MYO3A: variants seen among roughly 807,000 people sequenced by gnomAD.
MYO3A encodes myosin-IIIa.
A neutral mutation model predicts 192.7 loss-of-function variants in MYO3A; 180 were observed. That is an observed-to-expected ratio of 0.93 (90% CI 0.83 to 1.06). The LOEUF is 1.06. Among genes scored for constraint, MYO3A ranks in the 50% least tolerant of loss-of-function variants. The probability of loss-of-function intolerance (pLI) is 0.00; values close to 1 mark genes in which losing one functional copy is unlikely to be tolerated. For synonymous variants in MYO3A, 628 were observed against 645.3 expected (o/e 0.97, Z 0.41); for missense variants, 1,896 against 1,905.0 (o/e 1.00, Z 0.09).
At position 26,178,790 on chromosome 10, in the gene MYO3A, G is replaced by GTTTA. The variant is rs530044620; in HGVS notation, c.4438+1969_4438+1972dup. Among the ~76,000 whole-genome samples, 712 of 151,690 alleles carry GTTTA rather than the reference G, an allele frequency of 4.7e-3. 2 individuals are homozygous for GTTTA. Among genetic ancestry groups the GTTTA allele is most frequent in the African/African-American group, 0.015 (600 of 41,366 alleles). Reference sequence around the variant, plus strand: ...ACTCTGCTTGCCTTCTGCTTTAAATGTTTATTTATTTATTTATTTATTTAT... The same window carrying GTTTA: ...ACTCTGCTTGCCTTCTGCTTTAAATGTTTATTTATTTATTTATTTATTTATTTAT... On this transcript the variant is annotated intron_variant, in intron 31 of 34. Coordinates refer to ENST00000642920, the MANE Select transcript of MYO3A (RefSeq NM_017433.5).
chr10:25,978,024 CAT>C (rs962025555), intron 4 of MYO3A, among the ~76,000 whole-genome samples: 25 of 151,988 alleles, frequency 1.6e-4, no homozygotes, highest in African/African-American at 5.8e-4. Flanking sequence ...TTTTTAATAA[CAT>C]GTATAGCAAA....
At chr10:26,017,920 A>G (rs1842070178) in intron 7 of MYO3A, among the ~76,000 whole-genome samples, 1 of 150,822 alleles carries the variant, frequency 6.6e-6, no homozygotes, top group South Asian at 2.1e-4. Context: ...AAAAATTACA[A>G]AAATGAGAAG....
At chr10:26,126,376 T>C (rs1839214414) in intron 19 of MYO3A, among the ~76,000 whole-genome samples, 1 of 152,174 alleles carries the variant, frequency 6.6e-6, no homozygotes, top group Non-Finnish European at 1.5e-5. Flanking sequence ...AAAAGACCAT[T>C]TATACACATT....
At chr10:26,028,461 G>A (rs1018327065) in intron 10 of MYO3A, among the ~76,000 whole-genome samples, 2 of 152,314 alleles carry the variant, frequency 1.3e-5, no homozygotes, top group East Asian at 3.9e-4. Flanking sequence ...AAGCAGATAT[G>A]TAGTTTATAA....
chr10:25,977,937 A>G lies in MYO3A; in HGVS notation c.304-18553A>G, dbSNP rs1020618266. On this transcript the variant is annotated intron_variant, in intron 4 of 34. Transcript: ENST00000642920. ...TGGGGAGGTTCTGTTTCTGATATCA[A>G]TGTTGCTATCTCTTTGCAATTTTAT... is the stretch of plus-strand genomic sequence containing the variant. Among the ~76,000 whole-genome samples, 7 of 152,242 alleles carry G rather than the reference A, an allele frequency of 4.6e-5. No homozygotes were observed. In the East Asian group the frequency reaches 5.8e-4, roughly 13 times the overall value.
intron 31 of MYO3A, among the ~76,000 whole-genome samples, chr10:26,184,351 A>C (rs1842764387): frequency 6.6e-6 from 1 of 152,248 alleles, no homozygotes; most frequent in African/African-American, 2.4e-5. Flanking sequence ...TATTGCTTGA[A>C]GGTCATAGAC....
chr10:26,108,140 C>T (rs1487800885), intron 17 of MYO3A, among the ~76,000 whole-genome samples: 1 of 152,116 alleles, frequency 6.6e-6, no homozygotes, highest in East Asian at 1.9e-4. Flanking sequence ...TCAGACTTTG[C>T]TCGTAACAGT....
chr10:26,017,766 A>AT (rs996243902), intron 7 of MYO3A, among the ~76,000 whole-genome samples: 99 of 151,084 alleles, frequency 6.6e-4, no homozygotes, highest in Non-Finnish European at 1.1e-3. Context: ...GATTAAAAAA[A>AT]TTTTTTTACC....
chr10:26,195,892 G>A (rs1039847739), intron 32 of MYO3A, among the ~76,000 whole-genome samples: 11 of 152,160 alleles, frequency 7.2e-5, no homozygotes, highest in African/African-American at 2.7e-4. Flanking sequence ...TGGCTTCCAC[G>A]AGGTCAAGGA....
chr10:26,124,231 T>G (rs1395824284), intron 18 of MYO3A, among the ~76,000 whole-genome samples: 1 of 151,978 alleles, frequency 6.6e-6, no homozygotes, highest in African/African-American at 2.4e-5. Flanking sequence ...TTTACGTATT[T>G]TGAAAAATTG....
intron 31 of MYO3A, among the ~76,000 whole-genome samples, chr10:26,183,313 A>G (rs1299594365): frequency 6.6e-6 from 1 of 152,192 alleles, no homozygotes; most frequent in Non-Finnish European, 1.5e-5. Flanking sequence ...TCACGAGGTC[A>G]GGAGATCGAG....
Position 26,083,063 on chromosome 10 carries a change from T to G in MYO3A, c.1360-5140T>G, listed in dbSNP as rs563082939. 3.3e-5 allele frequency among the ~76,000 whole-genome samples: 5 copies of G among 152,364 alleles called. No homozygotes were observed. In the South Asian group the frequency reaches 6.2e-4, roughly 19 times the overall value. ...GCATACAATTTTTTTTCTTCCCTTA[T>G]GAAGTCAAGAACTTTCATCTTTTCA... On this transcript the variant is annotated intron_variant, in intron 14 of 34. Transcript: ENST00000642920.
intron 26 of MYO3A, 71 bp downstream of exon 26, chr10:26,157,586 C>A: frequency 6.6e-7 from 1 of 1,513,508 alleles, no homozygotes; most frequent in Admixed American, 1.7e-5. Context: ...TTATAAGAAA[C>A]ATAATATGAA....
Position 26,088,335 on chromosome 10 carries a change from T to G in MYO3A, c.1492T>G (p.Ser498Ala). Residue 498 changes from serine (S) to alanine (A), a missense_variant, in exon 15 of 35, where the codon TCT (serine) becomes GCT (alanine). Physicochemically the swap from Ser to Ala is moderately conservative, Grantham distance 99 (BLOSUM62 1). Transcript: ENST00000642920. ...ATACTTAGAAATGAAATTCACCTCT[T>G]CTGGAGCGGTAGTGGGAGCACAGAT... Reference protein sequence around the residue: ...GKYLEMKFTSSGAVVGAQISE... With the variant: ...GKYLEMKFTSAGAVVGAQISE... 6.2e-7 allele frequency: 1 copy of G among 1,613,950 alleles called. No individual in the cohort carries two copies. Among genetic ancestry groups the G allele is most frequent in the Non-Finnish European group, 8.5e-7 (1 of 1,179,910 alleles).
chr10:26,204,987 A>G (rs971949152), intron 34 of MYO3A, among the ~76,000 whole-genome samples: 4 of 152,228 alleles, frequency 2.6e-5, no homozygotes, highest in African/African-American at 7.2e-5. Context: ...GAAATTTGAG[A>G]CTAAGCTACA....
intron 4 of MYO3A, among the ~76,000 whole-genome samples, chr10:25,983,520 G>A (rs1386001175): frequency 1.3e-5 from 2 of 152,086 alleles, no homozygotes; most frequent in African/African-American, 2.4e-5. Context: ...GCCTCCCAAA[G>A]TGCTGGGATT....
Position 26,034,177 on chromosome 10 carries a change from C to T in MYO3A, c.953+7645C>T, listed in dbSNP as rs543366225. ...TGCTTGTTCCCAGTATGACCATTTTCTCATATGTTTCTTTTTAACTTTAAA... is the reference window on the plus strand; with the variant it reads ...TGCTTGTTCCCAGTATGACCATTTTTTCATATGTTTCTTTTTAACTTTAAA... On this transcript the variant is annotated intron_variant, in intron 10 of 34. Transcript: ENST00000642920. Among the ~76,000 whole-genome samples, 9 of 152,314 alleles carry T rather than the reference C, an allele frequency of 5.9e-5. No individual in the cohort carries two copies. The South Asian group carries it at 1.5e-3, about 25-fold the overall frequency.
intron 10 of MYO3A, among the ~76,000 whole-genome samples, chr10:26,037,423 A>T (rs1174802182): frequency 6.6e-6 from 1 of 152,246 alleles, no homozygotes; most frequent in African/African-American, 2.4e-5. Context: ...AAAAAATTGG[A>T]GAACCAATTA....
intron 14 of MYO3A, among the ~76,000 whole-genome samples, chr10:26,082,433 A>G (rs1480938268): frequency 6.6e-6 from 1 of 152,032 alleles, no homozygotes; most frequent in Non-Finnish European, 1.5e-5. Flanking sequence ...TTGATTTTGT[A>G]TCCTAAGATT....
Sources: allele counts gnomAD v4.1 joint callset (sites outside exome capture counted in the v4.1 genomes callset), GRCh38; gene constraint gnomAD v4.1.1; transcripts MANE v1.5; gene names NCBI Gene and HGNC (gene_info 2026-07-23, HGNC 2026-07-21).